VDAC1: variants seen among roughly 807,000 people sequenced by gnomAD.
VDAC1 encodes non-selective voltage-gated ion channel VDAC1.
VDAC1 carries 10 observed loss-of-function variants against 34.7 expected under a neutral mutation model. The ratio of observed to expected loss-of-function variants is 0.29; its 90% confidence interval spans 0.18 to 0.49. The LOEUF (loss-of-function observed/expected upper bound fraction) is 0.49, where lower values mean the gene tolerates loss of function less well. VDAC1 is among the 20% of genes least tolerant of loss of function. VDAC1 has a pLI of 0.99. For synonymous variants in VDAC1, 130 were observed against 136.0 expected (o/e 0.96, Z 0.30); for missense variants, 230 against 347.9 (o/e 0.66, Z 2.69).
At chr5:133,992,154 T>C in intron 3 of VDAC1, 152 bp downstream of exon 3, 2 of 428,780 alleles carry the variant, frequency 4.7e-6, no homozygotes. Context: ...GAGAATCGCT[T>C]GAACCCAAGA....
At chr5:134,020,652 T>G in the VDAC1 span, among the ~76,000 whole-genome samples, 36 of 150,214 alleles carry the variant, frequency 2.4e-4, 1 homozygote, top group Middle Eastern at 3.4e-3. Flanking sequence ...CAGGCTTCTT[T>G]TTTGTTTGTT....
At chr5:134,061,777 T>C in the VDAC1 span, among the ~76,000 whole-genome samples, 2 of 151,850 alleles carry the variant, frequency 1.3e-5, no homozygotes, top group Non-Finnish European at 2.9e-5. Flanking sequence ...CATCTTACTA[T>C]GCTAGCTAAA....
chr5:134,062,369 T>G, the VDAC1 span, among the ~76,000 whole-genome samples: 1 of 151,772 alleles, frequency 6.6e-6, no homozygotes, highest in Non-Finnish European at 1.5e-5. Context: ...TATATGATTG[T>G]TCTTCTTTAC....
At chr5:134,070,305 T>G in the VDAC1 span, among the ~76,000 whole-genome samples, 5 of 151,912 alleles carry the variant, frequency 3.3e-5, no homozygotes, top group Non-Finnish European at 7.4e-5. Flanking sequence ...GCATGCTCGG[T>G]TAATTTTTTT....
chr5:134,081,116 C>T, the VDAC1 span, among the ~76,000 whole-genome samples: 1 of 151,870 alleles, frequency 6.6e-6, no homozygotes, highest in Non-Finnish European at 1.5e-5. Context: ...CAGCTTACTG[C>T]AACCTCTGCC....
rs528025501 is a variant in VDAC1 at position 133,981,296 on chromosome 5, T to C, written c.324-340A>G. ...ATTAGGTAGAAAGCCACCATGTAATTATGAAACAGATGCATCTTTGATATT... is the reference window on the plus strand; with the variant it reads ...ATTAGGTAGAAAGCCACCATGTAATCATGAAACAGATGCATCTTTGATATT... On this transcript the variant is annotated intron_variant, in intron 5 of 8. Coordinates refer to ENST00000265333, the MANE Select transcript of VDAC1 (RefSeq NM_003374.3). Among the ~76,000 whole-genome samples, 9 of 152,340 alleles carry C rather than the reference T, an allele frequency of 5.9e-5. No homozygotes were observed. In the South Asian group the frequency reaches 1.9e-3, roughly 32 times the overall value.
chr5:134,092,361 G>T, the VDAC1 span, among the ~76,000 whole-genome samples: 1 of 152,214 alleles, frequency 6.6e-6, no homozygotes, highest in Non-Finnish European at 1.5e-5. Context: ...TGCCAAGGGG[G>T]CTCTGAGTCA....
At chr5:134,024,512 G>C in the VDAC1 span, among the ~76,000 whole-genome samples, 3 of 142,020 alleles carry the variant, frequency 2.1e-5, no homozygotes, top group Non-Finnish European at 4.5e-5. Context: ...CTGGGCGAGA[G>C]AGTGAGACCC....
the VDAC1 span, among the ~76,000 whole-genome samples, chr5:134,096,422 T>C: frequency 1.1e-3 from 169 of 152,266 alleles, no homozygotes; most frequent in African/African-American, 3.9e-3. Flanking sequence ...GCTGCAGGAT[T>C]TAGGGCAGCT....
intron 5 of VDAC1, among the ~76,000 whole-genome samples, chr5:133,986,694 T>TA (rs763535042): frequency 7.9e-5 from 12 of 152,164 alleles, no homozygotes; most frequent in Middle Eastern, 3.2e-3. Context: ...CCTACAATCT[T>TA]AGTTTCTAAA....
At chr5:134,028,856 T>C in the VDAC1 span, among the ~76,000 whole-genome samples, 1 of 152,200 alleles carries the variant, frequency 6.6e-6, no homozygotes, top group Non-Finnish European at 1.5e-5. Context: ...GTCCACATAT[T>C]CTTTGACAAT....
chr5:134,080,152 C>T, the VDAC1 span, among the ~76,000 whole-genome samples: 1 of 152,234 alleles, frequency 6.6e-6, no homozygotes, highest in African/African-American at 2.4e-5. Flanking sequence ...CTCTCTCAGG[C>T]CACTCACTGT....
chr5:134,088,383 C>T, the VDAC1 span, among the ~76,000 whole-genome samples: 1 of 152,280 alleles, frequency 6.6e-6, no homozygotes, highest in African/African-American at 2.4e-5. Flanking sequence ...GTCAGGAAGC[C>T]CCACTAGCCT....
At chr5:134,070,439 C>A in the VDAC1 span, among the ~76,000 whole-genome samples, 1 of 152,086 alleles carries the variant, frequency 6.6e-6, no homozygotes, top group South Asian at 2.1e-4. Flanking sequence ...AGCCACCACG[C>A]CTGGCTGAAC....
chr5:134,099,920 A>C, the VDAC1 span, among the ~76,000 whole-genome samples: 3 of 152,178 alleles, frequency 2.0e-5, no homozygotes, highest in Non-Finnish European at 2.9e-5. Flanking sequence ...CCTATCGTCC[A>C]GGCCCAGGGT....
the VDAC1 span, among the ~76,000 whole-genome samples, chr5:134,094,864 G>A: frequency 6.6e-6 from 1 of 152,220 alleles, no homozygotes; most frequent in Non-Finnish European, 1.5e-5. Flanking sequence ...GGCTGCCAGG[G>A]CCACTGCTGG....
chr5:133,991,037 T>C lies in VDAC1; in HGVS notation c.235A>G (p.Asn79Asp). 2 of 1,614,170 alleles carry C rather than the reference T, an allele frequency of 1.2e-6. No individual in the cohort carries two copies. The highest frequency in any genetic ancestry group is 1.7e-6 in the Non-Finnish European group (2 of 1,180,024). Residue 79 changes from asparagine (N) to aspartate (D), a missense_variant, in exon 4 of 9, where the codon AAT becomes GAT. Physicochemically the swap from Asn to Asp is conservative, Grantham distance 23 (BLOSUM62 1). Transcript: ENST00000265333. ...LTFTEKWNTD[N>D]TLGTEITVED... ...ACAGTAATCTCGGTGCCTAGTGTATTGTCGGTATTCCATTTCTCTGTAAAC... is the reference window on the plus strand; with the variant it reads ...ACAGTAATCTCGGTGCCTAGTGTATCGTCGGTATTCCATTTCTCTGTAAAC...
chr5:133,992,073 T>C (rs1177509736), intron 3 of VDAC1, among the ~76,000 whole-genome samples: 6 of 151,958 alleles, frequency 3.9e-5, no homozygotes, highest in African/African-American at 7.3e-5. Flanking sequence ...CCCGTCTCTA[T>C]TAAAAATACA....
chr5:134,039,821 A>G, the VDAC1 span, among the ~76,000 whole-genome samples: 1 of 152,212 alleles, frequency 6.6e-6, no homozygotes, highest in Non-Finnish European at 1.5e-5. Flanking sequence ...TTCTCAAATT[A>G]GGGGAGCAAA....
Sources: allele counts gnomAD v4.1 joint callset (sites outside exome capture counted in the v4.1 genomes callset), GRCh38; gene constraint gnomAD v4.1.1; transcripts MANE v1.5; gene names NCBI Gene and HGNC (gene_info 2026-07-23, HGNC 2026-07-21).